Variants in DCDC1 observed in about 807,000 individuals in gnomAD.
DCDC1 encodes doublecortin domain containing 1.
DCDC1 carries 200 observed loss-of-function variants against 178.3 expected under a neutral mutation model. The ratio of observed to expected loss-of-function variants is 1.12; its 90% CI spans 1.00 to 1.26. The LOEUF is 1.26. Among genes scored for constraint, DCDC1 ranks in the 50% most tolerant of loss-of-function variants. The probability of loss-of-function intolerance (pLI) is 0.00; values close to 1 mark genes in which losing one functional copy is unlikely to be tolerated. For missense variants in DCDC1, 1,983 were observed against 1,749.2 expected (o/e 1.13, Z -2.38); for synonymous variants, 690 against 604.8 (o/e 1.14, Z -2.07).
chr11:31,187,772 T>C (rs1394589331), intron 9 of DCDC1, among the ~76,000 whole-genome samples: 1 of 152,192 alleles, frequency 6.6e-6, no homozygotes, highest in African/African-American at 2.4e-5. Flanking sequence ...GTTTCATTGT[T>C]TACACAGCTG....
intron 20 of DCDC1, among the ~76,000 whole-genome samples, chr11:30,961,001 G>A (rs866360573): frequency 1.4e-4 from 22 of 152,130 alleles, no homozygotes; most frequent in African/African-American, 5.3e-4. Flanking sequence ...TTCAATATTT[G>A]ATTGACAGTT....
chr11:31,174,319 G>A (rs1047803423), intron 9 of DCDC1, among the ~76,000 whole-genome samples: 14 of 152,332 alleles, frequency 9.2e-5, no homozygotes, highest in South Asian at 2.1e-4. Context: ...AGGCATTGTC[G>A]CAACCTGGCT....
At chr11:30,885,973 T>A (rs1174814795) in intron 36 of DCDC1, among the ~76,000 whole-genome samples, 1 of 152,242 alleles carries the variant, frequency 6.6e-6, no homozygotes, top group East Asian at 1.9e-4. Context: ...GTTGAATAAA[T>A]AATACATCAA....
chr11:31,073,978 T>C (rs982025436), intron 18 of DCDC1, among the ~76,000 whole-genome samples: 3 of 152,174 alleles, frequency 2.0e-5, no homozygotes, highest in African/African-American at 7.2e-5. Context: ...AAAATTACCA[T>C]GCTTATCAGT....
At chr11:31,055,162 C>T (rs1955503116) in intron 20 of DCDC1, among the ~76,000 whole-genome samples, 1 of 151,914 alleles carries the variant, frequency 6.6e-6, no homozygotes, top group Non-Finnish European at 1.5e-5. Context: ...ACAATCCCAC[C>T]AATAAGTGGG....
chr11:30,897,078 G>T (rs894357895), intron 34 of DCDC1, among the ~76,000 whole-genome samples: 3 of 152,128 alleles, frequency 2.0e-5, no homozygotes, highest in Admixed American at 2.0e-4. Flanking sequence ...TCACCAGCTA[G>T]AAAAAGGCCT....
chr11:30,925,278 A>C (rs763489119), intron 23 of DCDC1, 31 bp downstream of exon 23: 12 of 1,570,008 alleles, frequency 7.6e-6, no homozygotes, highest in Non-Finnish European at 1.1e-5. Flanking sequence ...TTAATAAATT[A>C]ATATTGCCAG....
intron 12 of DCDC1, among the ~76,000 whole-genome samples, chr11:31,108,788 G>A (rs1959015132): frequency 6.6e-6 from 1 of 152,198 alleles, no homozygotes; most frequent in African/African-American, 2.4e-5. Flanking sequence ...TTCATCTTTA[G>A]GTCATTGGTT....
At chr11:31,054,244 G>GAAAAAAA (rs58611104) in intron 20 of DCDC1, among the ~76,000 whole-genome samples, 9 of 119,066 alleles carry the variant, frequency 7.6e-5, no homozygotes, top group East Asian at 3.4e-4. Flanking sequence ...AAGGAAAAAA[G>GAAAAAAA]AAAAAAAAAA....
chr11:31,013,650 GT>G, intron 20 of DCDC1, among the ~76,000 whole-genome samples: 1 of 152,208 alleles, frequency 6.6e-6, no homozygotes, highest in East Asian at 1.9e-4. Flanking sequence ...GGTCAATATG[GT>G]TTTAAAACTG....
intron 9 of DCDC1, among the ~76,000 whole-genome samples, chr11:31,174,843 G>A (rs1967777400): frequency 6.6e-6 from 1 of 152,150 alleles, no homozygotes; most frequent in Admixed American, 6.5e-5. Context: ...AGCTACCACT[G>A]CAAGTCTCCT....
At chr11:30,884,339 T>C (rs1478036134) in intron 36 of DCDC1, among the ~76,000 whole-genome samples, 2 of 152,182 alleles carry the variant, frequency 1.3e-5, no homozygotes, top group Non-Finnish European at 2.9e-5. Flanking sequence ...CCTTCTTTCT[T>C]ATCATTCATG....
chr11:31,305,869 A>C (rs946973925), intron 5 of DCDC1, 92 bp from the exon 6 acceptor site: 10 of 1,427,304 alleles, frequency 7.0e-6, no homozygotes, highest in Non-Finnish European at 9.4e-6. Flanking sequence ...ATCAAAATAG[A>C]AACCCAATTG....
rs557311828 is a variant in DCDC1 at position 31,240,242 on chromosome 11, A to G, written c.1221+1208T>C. Among the ~76,000 whole-genome samples, 8 of 152,128 alleles carry G rather than the reference A, an allele frequency of 5.3e-5. No homozygotes were observed. In the South Asian group the frequency reaches 1.7e-3, roughly 32 times the overall value. On this transcript the variant is annotated intron_variant, in intron 9 of 38. Coordinates refer to ENST00000684477, the MANE Select transcript of DCDC1 (RefSeq NM_001387274.1). ...CAATAATTTAATCTAAATGCAATAA[A>G]ATATTTTATACTAGTTTCTATATAT...
intron 11 of DCDC1, among the ~76,000 whole-genome samples, chr11:31,112,372 G>C (rs770555443): frequency 6.6e-6 from 1 of 152,154 alleles, no homozygotes; most frequent in Non-Finnish European, 1.5e-5. Context: ...TTTCTAAAGA[G>C]AGAGTTTCTA....
At chr11:31,345,885 T>C (rs575580549) in intron 1 of DCDC1, among the ~76,000 whole-genome samples, 122 of 152,284 alleles carry the variant, frequency 8.0e-4, no homozygotes, top group African/African-American at 2.9e-3. Flanking sequence ...AATGAAATAA[T>C]GGACCCAGAT....
intron 20 of DCDC1, among the ~76,000 whole-genome samples, chr11:30,963,148 T>TC (rs1949215505): frequency 6.6e-6 from 1 of 152,094 alleles, no homozygotes. Flanking sequence ...TTGCTGTCTC[T>TC]CCCCAGCACC....
At chr11:30,905,821 G>A (rs1472096577) in intron 30 of DCDC1, among the ~76,000 whole-genome samples, 1 of 152,176 alleles carries the variant, frequency 6.6e-6, no homozygotes, top group East Asian at 1.9e-4. Flanking sequence ...TATTGCTTCT[G>A]TTGATGTTTT....
At chr11:31,338,948 T>C (rs951365600) in intron 1 of DCDC1, among the ~76,000 whole-genome samples, 1 of 152,150 alleles carries the variant, frequency 6.6e-6, no homozygotes, top group Non-Finnish European at 1.5e-5. Flanking sequence ...TTTATATGAG[T>C]AAGAAATAAA....
Sources: gnomAD v4.1 joint callset for allele counts (sites outside exome capture counted in the v4.1 genomes callset) on GRCh38, gnomAD v4.1.1 for gene constraint, MANE v1.5 for transcripts, NCBI Gene and HGNC (gene_info 2026-07-23, HGNC 2026-07-21) for gene names.